Variants in MATN2 observed in about 807,000 individuals in gnomAD.
The protein encoded by MATN2 is matrilin 2, also known as matrilin-2.
MATN2 carries 69 observed loss-of-function variants against 103.2 expected under a neutral mutation model. The observed-to-expected ratio is 0.67, with a 90% confidence interval of 0.55 to 0.82. The LOEUF (loss-of-function observed/expected upper bound fraction) is 0.82, where lower values mean the gene tolerates loss of function less well. Ranked by LOEUF, MATN2 falls within the 40% of genes least tolerant of loss-of-function variation. The pLI is 0.00. For synonymous variants in MATN2, 429 were observed against 450.2 expected, an observed-to-expected ratio of 0.95 and a Z score of 0.60; for missense variants, 1,023 against 1,211.5, an observed-to-expected ratio of 0.84 and a Z score of 2.31.
rs763539274 is a variant in MATN2 at position 97,875,690 on chromosome 8, G to GTTTTTTTTTT, written c.-27+6417_-27+6426dup. Among the ~76,000 whole-genome samples, 44 of 82,032 alleles carry GTTTTTTTTTT rather than the reference G, an allele frequency of 5.4e-4. 5 individuals carry two copies. The highest frequency in any genetic ancestry group is 6.4e-4 in the Non-Finnish European group (29 of 45,042). The allele number at this position is 82,032 out of a possible 152,430, so 53.8% of individuals were successfully genotyped here. A position where few individuals can be genotyped will look rare whatever the true frequency, so the allele number is the denominator to read the frequency against. Reference sequence around the variant, plus strand: ...CTGGATCTGTGTAGAGTATTTGCCTGTTTTTTTTTTTTTTTTTTTTTTTGA... The same window carrying GTTTTTTTTTT: ...CTGGATCTGTGTAGAGTATTTGCCTGTTTTTTTTTTTTTTTTTTTTTTTTTTTTTTTTTGA... On this transcript the variant is annotated intron_variant, in intron 1 of 18. Transcript: ENST00000254898.
intron 2 of MATN2, among the ~76,000 whole-genome samples, chr8:97,917,639 A>T (rs1809675806): frequency 6.6e-6 from 1 of 152,224 alleles, no homozygotes; most frequent in African/African-American, 2.4e-5. Context: ...TTCTTCTGCA[A>T]CCAGGCATTC....
At chr8:97,930,112 C>T (rs970008101) in intron 2 of MATN2, among the ~76,000 whole-genome samples, 8 of 152,216 alleles carry the variant, frequency 5.3e-5, no homozygotes, top group Admixed American at 3.9e-4. Context: ...ATCCAAACAC[C>T]ACGCATCTAT....
chr8:97,992,634 T>A (rs1812430562), intron 6 of MATN2, among the ~76,000 whole-genome samples: 1 of 149,328 alleles, frequency 6.7e-6, no homozygotes, highest in South Asian at 2.1e-4. Context: ...TAATCCCAAC[T>A]ACTTGGGAGG....
At chr8:97,967,293 CCTT>C (rs1168854743) in intron 5 of MATN2, among the ~76,000 whole-genome samples, 2 of 152,164 alleles carry the variant, frequency 1.3e-5, no homozygotes, top group East Asian at 1.9e-4. Flanking sequence ...TATTTCATGT[CCTT>C]CTCACATTTC....
chr8:97,956,681 G>A (rs187317405), intron 4 of MATN2, among the ~76,000 whole-genome samples: 1 of 152,148 alleles, frequency 6.6e-6, no homozygotes, highest in South Asian at 2.1e-4. Flanking sequence ...TTGATCCTGT[G>A]TCCAAGCCCT....
Position 97,941,852 on chromosome 8 carries a change from G to C in MATN2, c.788G>C (p.Arg263Thr), listed in dbSNP as rs139657774. 160 of 1,613,580 alleles carry C rather than the reference G, an allele frequency of 9.9e-5. 1 individual carries two copies. In the East Asian group the frequency reaches 2.5e-3, roughly 25 times the overall value. The change falls in exon 4 of 19, where the codon AGG becomes ACG. Residue 263 changes from arginine to threonine, a missense_variant. Transcript: ENST00000254898. ...AACATCCCTGGCTCATACGTCTGCA[G>C]GTGCAAACAAGGCTACATTCTCAAC... ...CINIPGSYVC[R>T]CKQGYILNSD...
chr8:98,024,012 G>A (rs909642009), intron 13 of MATN2, among the ~76,000 whole-genome samples: 1 of 152,286 alleles, frequency 6.6e-6, no homozygotes, highest in South Asian at 2.1e-4. Flanking sequence ...GACACAGGGA[G>A]GGGAACAACA....
chr8:97,879,910 T>C (rs1297249779), intron 1 of MATN2, among the ~76,000 whole-genome samples: 1 of 152,014 alleles, frequency 6.6e-6, no homozygotes, highest in Non-Finnish European at 1.5e-5. Flanking sequence ...GATTCCAGGA[T>C]TAGGTGGAAG....
At chr8:97,958,270 A>G (rs1467686338) in intron 4 of MATN2, among the ~76,000 whole-genome samples, 2 of 152,206 alleles carry the variant, frequency 1.3e-5, no homozygotes, top group Non-Finnish European at 2.9e-5. Flanking sequence ...CAGACCCCTG[A>G]TGGGGCAAGG....
intron 2 of MATN2, among the ~76,000 whole-genome samples, chr8:97,900,403 T>C (rs935971800): frequency 6.6e-6 from 1 of 152,182 alleles, no homozygotes; most frequent in African/African-American, 2.4e-5. Flanking sequence ...TAGAAAGGCA[T>C]GATGGATTAT....
At chr8:98,016,152 G>A (rs926042218) in intron 10 of MATN2, among the ~76,000 whole-genome samples, 12 of 152,094 alleles carry the variant, frequency 7.9e-5, no homozygotes, top group African/African-American at 2.9e-4. Flanking sequence ...AGTCCGAGGT[G>A]GGTGGATTGC....
chr8:97,951,444 C>G (rs556723471), intron 4 of MATN2, among the ~76,000 whole-genome samples: 6 of 152,138 alleles, frequency 3.9e-5, no homozygotes, highest in South Asian at 4.2e-4. Context: ...AAAGTGTGGT[C>G]CCCCCGGAAA....
intron 5 of MATN2, among the ~76,000 whole-genome samples, chr8:97,965,029 C>T (rs1279201429): frequency 2.0e-5 from 3 of 152,208 alleles, no homozygotes; most frequent in East Asian, 1.9e-4. Context: ...CCACTGCGCC[C>T]GACTGACCCC....
chr8:98,002,185 G>T (rs1812812587), intron 7 of MATN2, among the ~76,000 whole-genome samples: 1 of 152,178 alleles, frequency 6.6e-6, no homozygotes, highest in Non-Finnish European at 1.5e-5. Context: ...TACCAGGAAA[G>T]GAATTGCTTA....
chr8:97,947,851 T>C (rs1372114437), intron 4 of MATN2, among the ~76,000 whole-genome samples: 1 of 152,208 alleles, frequency 6.6e-6, no homozygotes, highest in Non-Finnish European at 1.5e-5. Flanking sequence ...CCATAAAATA[T>C]CCATAAACAC....
At chr8:97,957,937 GGGAGCTTGC>G (rs1176020642) in intron 4 of MATN2, among the ~76,000 whole-genome samples, 3 of 152,286 alleles carry the variant, frequency 2.0e-5, no homozygotes, top group African/African-American at 7.2e-5. Flanking sequence ...TTCTGTAGAT[GGGAGCTTGC>G]AGTTACTCAC....
At chr8:97,994,197 A>G (rs1246327917) in intron 6 of MATN2, among the ~76,000 whole-genome samples, 2 of 130,362 alleles carry the variant, frequency 1.5e-5, no homozygotes, top group Non-Finnish European at 3.2e-5. Context: ...GGAGGGGGGA[A>G]GAGGGAAGAG....
intron 13 of MATN2, 42 bp from the exon 14 acceptor site, chr8:98,027,374 A>AT (rs767136739): frequency 7.3e-6 from 11 of 1,515,268 alleles, no homozygotes; most frequent in Admixed American, 2.0e-5. Flanking sequence ...TGCATAAATG[A>AT]TTTTTTATTC....
At chr8:97,967,130 C>G (rs1247050962) in intron 5 of MATN2, among the ~76,000 whole-genome samples, 1 of 152,114 alleles carries the variant, frequency 6.6e-6, no homozygotes, top group African/African-American at 2.4e-5. Context: ...CACTTATCAC[C>G]AAGATGATAA....
Sources: gnomAD v4.1 joint callset for allele counts (sites outside exome capture counted in the v4.1 genomes callset) on GRCh38, gnomAD v4.1.1 for gene constraint, MANE v1.5 for transcripts, NCBI Gene and HGNC (gene_info 2026-07-23, HGNC 2026-07-21) for gene names.